Variants in PCDHGB1 observed in about 807,000 individuals in gnomAD.
PCDHGB1 encodes the protein protocadherin gamma-B1.
In PCDHGB1, 34 loss-of-function variants were observed where a neutral mutation model predicts 56.6. That is an observed-to-expected ratio of 0.60 (90% confidence interval 0.46 to 0.80). PCDHGB1 has a LOEUF of 0.80. PCDHGB1 is among the 30% of genes least tolerant of loss of function. The pLI, the probability that PCDHGB1 is intolerant of heterozygous loss-of-function variation, is 0.00. For missense variants in PCDHGB1, 1,278 were observed against 1,204.6 expected (o/e 1.06, Z -0.90); for synonymous variants, 561 against 505.9 (o/e 1.11, Z -1.46).
intron 1 of PCDHGB1, chr5:141,403,960 G>T (rs775638627): frequency 1.9e-6 from 3 of 1,613,776 alleles, no homozygotes; most frequent in South Asian, 2.2e-5. Context: ...TGCTCATTTC[G>T]GTGGAAGATG....
rs926566427 is a variant in PCDHGB1, at chr5:141,505,127, A to T, written c.2469-266A>T. Among the ~76,000 whole-genome samples, 9 of 152,158 alleles carry T rather than the reference A, an allele frequency of 5.9e-5. No homozygotes were observed. The East Asian group carries it at 1.5e-3, about 26-fold the overall frequency. The stretch of plus-strand genomic sequence containing the variant: ...CAATGAGCCAAGATCGCGCCACTGC[A>T]CTCCAGCCTGGATGACAGAGTAAGA... On this transcript the variant is annotated intron_variant, in intron 2 of 3. Transcript: ENST00000523390.
chr5:141,404,585 A>G (rs541341061), intron 1 of PCDHGB1: 2 of 1,614,006 alleles, frequency 1.2e-6, no homozygotes, highest in East Asian at 2.2e-5. Context: ...ACTTAGCAGC[A>G]ATGTGTCATT....
chr5:141,487,818 G>T lies in PCDHGB1; in HGVS notation c.2410-6989G>T, dbSNP rs1009237001. The T allele has an allele frequency of 1.2e-5, 16 of 1,331,602 alleles. No homozygotes were observed. Among genetic ancestry groups the T allele is most frequent in the Non-Finnish European group, 1.4e-5 (14 of 970,528 alleles). The allele number at this position is 1,331,602 out of a possible 1,614,324, so 82.5% of individuals were successfully genotyped here. On this transcript the variant is annotated intron_variant, in intron 1 of 3. Transcript: ENST00000523390. This position sits in a 1 kb window ranked among gnomAD's most constrained non-coding sequence, Gnocchi z 5.0. Reference sequence around the variant, plus strand: ...GAGTTGTCACAGTTTAGCATTGGGGGCGGGTCATGCCTATATCTGAGTAAG... The same window carrying T: ...GAGTTGTCACAGTTTAGCATTGGGGTCGGGTCATGCCTATATCTGAGTAAG...
rs1347978078 is a variant in PCDHGB1, at chr5:141,486,800, C to G, written c.2410-8007C>G. ...GGTGCAGGCCCGGGATCGGGGCAAC[C>G]CACCCCTTAGCAGCACTGTAACAGT... On this transcript the variant is annotated intron_variant, in intron 1 of 3. Coordinates refer to ENST00000523390, the MANE Select transcript of PCDHGB1 (RefSeq NM_018922.3). The surrounding 1 kb of genome is among the most constrained non-coding windows in gnomAD (Gnocchi z 5.0). 1.9e-6 allele frequency: 3 copies of G among 1,614,104 alleles called. No individual in the cohort carries two copies. In the Admixed American group the frequency reaches 5.0e-5, roughly 27 times the overall value.
intron 1 of PCDHGB1, chr5:141,405,249 G>C: frequency 1.2e-6 from 2 of 1,614,128 alleles, no homozygotes; most frequent in Non-Finnish European, 1.7e-6. Flanking sequence ...TCAAGGAAGA[G>C]TCACCTGATC....
intron 1 of PCDHGB1, among the ~76,000 whole-genome samples, chr5:141,447,725 C>T (rs1009407606): frequency 1.3e-5 from 2 of 152,174 alleles, no homozygotes; most frequent in African/African-American, 4.8e-5. Context: ...TTTTCCAAAA[C>T]TCATTGAACT....
intron 2 of PCDHGB1, among the ~76,000 whole-genome samples, chr5:141,495,936 T>C (rs1329369782): frequency 6.6e-6 from 1 of 152,206 alleles, no homozygotes; most frequent in Non-Finnish European, 1.5e-5. Flanking sequence ...GTCTCTGGTC[T>C]CTGTGCCTGT....
intron 1 of PCDHGB1, chr5:141,403,381 C>T (rs1022563452): frequency 4.3e-6 from 7 of 1,614,038 alleles, no homozygotes; most frequent in Non-Finnish European, 8.5e-7. Context: ...TAAAAATTAA[C>T]GAAATCGCGG....
chr5:141,402,816 C>T, intron 1 of PCDHGB1: 1 of 1,261,762 alleles, frequency 7.9e-7, no homozygotes, highest in South Asian at 1.7e-5. Flanking sequence ...ATACCACAAA[C>T]CTGCTCCCAG....
At chr5:141,385,539 T>C in intron 1 of PCDHGB1, 1 of 1,340,130 alleles carries the variant, frequency 7.5e-7, no homozygotes, top group East Asian at 2.8e-5. Flanking sequence ...TATGAATATG[T>C]GGACTATCAC....
At chr5:141,384,839 AGGACCAC>A in intron 1 of PCDHGB1, 1 of 1,613,462 alleles carries the variant, frequency 6.2e-7, no homozygotes, top group East Asian at 2.2e-5. Context: ...GTGGCCGTCC[AGGACCAC>A]GGTCAGCCTC....
At chr5:141,378,836 C>T (rs912790603) in intron 1 of PCDHGB1, 1 of 152,138 alleles carries the variant, frequency 6.6e-6, no homozygotes, top group African/African-American at 2.4e-5. Flanking sequence ...CAGAAAACAG[C>T]AGAGTTTTTG....
chr5:141,358,696 T>C (rs1009340970), intron 1 of PCDHGB1, among the ~76,000 whole-genome samples: 8 of 152,236 alleles, frequency 5.3e-5, no homozygotes, highest in African/African-American at 1.9e-4. Context: ...GACATCACTA[T>C]TGAGACTTTC....
intron 1 of PCDHGB1, chr5:141,357,127 G>C: frequency 1.2e-6 from 2 of 1,613,566 alleles, no homozygotes; most frequent in Non-Finnish European, 1.7e-6. Context: ...GCAGAGGCTT[G>C]TAGTGGTCGT....
In PCDHGB1 at chr5:141,419,425, C is replaced by T. The variant is rs3749766; in HGVS notation, c.2409+66756C>T. Reference sequence around the variant, plus strand: ...TGTTCGCGCAGCGCGCCTTCGACCACGAGCAGCTGCGCACCTTCGAGCTCA... The same window carrying T: ...TGTTCGCGCAGCGCGCCTTCGACCATGAGCAGCTGCGCACCTTCGAGCTCA... On this transcript the variant is annotated intron_variant, in intron 1 of 3. Transcript: ENST00000523390. 284 of 1,613,316 alleles carry T rather than the reference C, an allele frequency of 1.8e-4. 1 individual carries two copies. The East Asian group carries it at 5.9e-3, about 34-fold the overall frequency.
Position 141,489,147 on chromosome 5 carries a change from A to G in PCDHGB1, c.2410-5660A>G. On this transcript the variant is annotated intron_variant, in intron 1 of 3. Coordinates refer to ENST00000523390, the MANE Select transcript of PCDHGB1 (RefSeq NM_018922.3). The surrounding 1 kb of genome is among the most constrained non-coding windows in gnomAD (Gnocchi z 4.5). ...GCAGTTTTTAAGAGGCTGGAAGGAG[A>G]CATAAGAGACTTCAGCTGCTGCATT... The G allele has an allele frequency of 1.2e-6, 1 of 802,676 alleles. No homozygotes were observed. Among genetic ancestry groups the G allele is most frequent in the Non-Finnish European group, 1.9e-6 (1 of 528,868 alleles). 49.7% of individuals were successfully genotyped at this position (802,676 alleles called of 1,614,324 possible). A position where few individuals can be genotyped will look rare whatever the true frequency, so the allele number is the denominator to read the frequency against.
rs780532802 is a variant in PCDHGB1 at position 141,352,576 on chromosome 5, C to T, written c.2316C>T (p.Pro772=). The T allele has an allele frequency of 1.3e-5, 21 of 1,613,814 alleles. No homozygotes were observed. In the Admixed American group the frequency reaches 2.0e-4, roughly 15 times the overall value. ...TCAACCTGACACCGGAAATGGCTCC[C>T]CCTCAGGATCTGCTGTGTGATGATC... The part of the protein sequence containing the change: ...NSLNLTPEMA[P]PQDLLCDDPS... The change falls in exon 1 of 4, where the codon CCC becomes CCT. Residue 772 remains proline (P), a synonymous_variant. Transcript: ENST00000523390.
intron 1 of PCDHGB1, chr5:141,408,014 C>G (rs2095025916): frequency 5.0e-6 from 5 of 1,001,096 alleles, no homozygotes; most frequent in Non-Finnish European, 7.0e-6. Flanking sequence ...CCTGCGCAGC[C>G]AACAACAGAA....
At chr5:141,450,033 G>T (rs1377962229) in intron 1 of PCDHGB1, among the ~76,000 whole-genome samples, 2 of 131,450 alleles carry the variant, frequency 1.5e-5, no homozygotes, top group Admixed American at 8.4e-5. Flanking sequence ...TTGAGACAGG[G>T]TCTCACTCTT....
Sources: gnomAD v4.1 joint callset for allele counts (sites outside exome capture counted in the v4.1 genomes callset) on GRCh38, gnomAD v4.1.1 for gene constraint, Gnocchi (gnomAD v3.1) non-coding constraint, MANE v1.5 for transcripts, NCBI Gene and HGNC (gene_info 2026-07-23, HGNC 2026-07-21) for gene names.